GPC5: variants seen among roughly 807,000 people sequenced by gnomAD.
The protein encoded by GPC5 is glypican-5.
Under a neutral mutation model 53.9 loss-of-function variants are expected in GPC5, and 47 were observed. That is an observed-to-expected ratio of 0.87 (90% CI 0.69 to 1.11). The LOEUF (loss-of-function observed/expected upper bound fraction) is 1.11, where lower values mean the gene tolerates loss of function less well. Among genes scored for constraint, GPC5 ranks in the 50% most tolerant of loss-of-function variants. The probability of loss-of-function intolerance (pLI) is 0.00; values close to 1 mark genes in which losing one functional copy is unlikely to be tolerated. For synonymous variants in GPC5, 286 were observed against 263.3 expected (o/e 1.09, Z -0.84); for missense variants, 748 against 713.1 (o/e 1.05, Z -0.56).
intron 7 of GPC5, among the ~76,000 whole-genome samples, chr13:92,454,334 T>C (rs1878182400): frequency 6.6e-6 from 1 of 152,178 alleles, no homozygotes; most frequent in South Asian, 2.1e-4. Flanking sequence ...TGTTTATTTG[T>C]TTTAGTCAGA....
chr13:92,384,371 A>C (rs2043775129), intron 7 of GPC5, among the ~76,000 whole-genome samples: 1 of 152,072 alleles, frequency 6.6e-6, no homozygotes, highest in South Asian at 2.1e-4. Context: ...TGTTCTTATA[A>C]GTTTTTGTTT....
At chr13:91,531,288 T>C (rs1396898569) in intron 2 of GPC5, among the ~76,000 whole-genome samples, 1 of 152,242 alleles carries the variant, frequency 6.6e-6, no homozygotes, top group African/African-American at 2.4e-5. Context: ...GGGACCTTGA[T>C]ACTTACTGAA....
At chr13:91,501,277 G>A (rs1159162454) in intron 2 of GPC5, among the ~76,000 whole-genome samples, 3 of 147,572 alleles carry the variant, frequency 2.0e-5, no homozygotes, top group African/African-American at 7.6e-5. Context: ...TAAGTTTTAG[G>A]ATACATGTGC....
chr13:92,431,390 C>CTTT (rs3064652), intron 7 of GPC5, among the ~76,000 whole-genome samples: 7,851 of 137,278 alleles, frequency 0.057, 579 homozygotes, highest in African/African-American at 0.15. Flanking sequence ...AAAGACACAG[C>CTTT]TTTTTTTTTT....
At position 92,399,764 on chromosome 13, in the gene GPC5, G is replaced by A. The variant is rs189283828; in HGVS notation, c.1561+254775G>A. The stretch of plus-strand genomic sequence containing the variant: ...TCCTTAAGACTTATTCGTGTCTATC[G>A]TATATTTACCTAAGCATGTTTCCTC... On this transcript the variant is annotated intron_variant, in intron 7 of 7. Coordinates refer to ENST00000377067, the MANE Select transcript of GPC5 (RefSeq NM_004466.6). Among the ~76,000 whole-genome samples, 563 of 152,206 alleles carry A rather than the reference G, an allele frequency of 3.7e-3. 5 individuals are homozygous for A. The highest frequency in any genetic ancestry group is 0.013 in the African/African-American group (526 of 41,520).
intron 7 of GPC5, among the ~76,000 whole-genome samples, chr13:92,459,740 C>G (rs1357097490): frequency 6.6e-6 from 1 of 152,094 alleles, no homozygotes; most frequent in Non-Finnish European, 1.5e-5. Context: ...CATCTTATCT[C>G]ATTACTTTTG....
chr13:91,717,595 C>T (rs1002952017), intron 3 of GPC5, among the ~76,000 whole-genome samples: 1 of 151,818 alleles, frequency 6.6e-6, no homozygotes, highest in African/African-American at 2.4e-5. Context: ...TCACTCTTGT[C>T]ATCCAGGCTA....
At chr13:92,342,999 A>G (rs1386821626) in intron 7 of GPC5, among the ~76,000 whole-genome samples, 2 of 152,172 alleles carry the variant, frequency 1.3e-5, no homozygotes, top group Admixed American at 1.3e-4. Context: ...ACAACTTAAG[A>G]TATTTGTATA....
intron 7 of GPC5, among the ~76,000 whole-genome samples, chr13:92,326,446 A>T (rs1188817180): frequency 3.3e-5 from 5 of 152,214 alleles, no homozygotes; most frequent in African/African-American, 1.2e-4. Flanking sequence ...ATGTATATGT[A>T]TTTGTTTGCT....
At chr13:91,434,478 T>C (rs1430096623) in intron 1 of GPC5, among the ~76,000 whole-genome samples, 9 of 152,196 alleles carry the variant, frequency 5.9e-5, no homozygotes, top group African/African-American at 2.2e-4. Context: ...CCATTTCTTG[T>C]TTTTGTCAGG....
chr13:92,180,172 G>C (rs1384626416), intron 7 of GPC5, among the ~76,000 whole-genome samples: 1 of 152,174 alleles, frequency 6.6e-6, no homozygotes, highest in Admixed American at 6.5e-5. Flanking sequence ...AAAACTGCAG[G>C]TTTGGTTGAA....
At chr13:92,545,729 T>G (rs1447470476) in intron 7 of GPC5, among the ~76,000 whole-genome samples, 1 of 152,214 alleles carries the variant, frequency 6.6e-6, no homozygotes, top group Non-Finnish European at 1.5e-5. Flanking sequence ...TTTTGAGAAG[T>G]GTCTGTTCAT....
chr13:92,523,038 G>C (rs948007253), intron 7 of GPC5, among the ~76,000 whole-genome samples: 3 of 152,058 alleles, frequency 2.0e-5, no homozygotes, highest in Non-Finnish European at 4.4e-5. Context: ...AAATGATTAC[G>C]ACAATAATTT....
intron 7 of GPC5, among the ~76,000 whole-genome samples, chr13:92,480,639 G>A (rs781138525): frequency 6.6e-5 from 10 of 151,946 alleles, no homozygotes; most frequent in African/African-American, 2.4e-4. Flanking sequence ...CCCAGGCCTC[G>A]TGTTTACATT....
At chr13:91,571,943 A>ACACACATATTG (rs2031870828) in intron 2 of GPC5, among the ~76,000 whole-genome samples, 1 of 118,218 alleles carries the variant, frequency 8.5e-6, no homozygotes, top group African/African-American at 3.3e-5. Context: ...ACACATGTAT[A>ACACACATATTG]TACATATACA....
intron 7 of GPC5, among the ~76,000 whole-genome samples, chr13:92,577,976 G>A (rs1269745877): frequency 1.3e-5 from 2 of 152,320 alleles, no homozygotes; most frequent in African/African-American, 4.8e-5. Context: ...CATATGTGCA[G>A]TTGGGAGTCA....
intron 5 of GPC5, among the ~76,000 whole-genome samples, chr13:91,774,218 C>G (rs1044263003): frequency 1.3e-5 from 2 of 152,152 alleles, no homozygotes; most frequent in Non-Finnish European, 2.9e-5. Flanking sequence ...ATGTGAATAT[C>G]AAGACTCTGT....
intron 6 of GPC5, among the ~76,000 whole-genome samples, chr13:92,144,471 A>G (rs909913722): frequency 1.3e-5 from 2 of 152,184 alleles, no homozygotes; most frequent in Non-Finnish European, 2.9e-5. Flanking sequence ...CAGCCAATAT[A>G]CTACAGAGGG....
chr13:91,526,681 C>T lies in GPC5; in HGVS notation c.325+77759C>T, dbSNP rs374662037. Among the ~76,000 whole-genome samples, 9 of 152,236 alleles carry T rather than the reference C, an allele frequency of 5.9e-5. No homozygotes were observed. In the East Asian group the frequency reaches 1.7e-3, roughly 29 times the overall value. On this transcript the variant is annotated intron_variant, in intron 2 of 7. Coordinates refer to ENST00000377067, the MANE Select transcript of GPC5 (RefSeq NM_004466.6). ...TCATTTTCAGAGCTGTTTTTCTTTG[C>T]TTGACGCTTGTATTAGTCCATTCTC...
Sources: allele counts gnomAD v4.1 joint callset (sites outside exome capture counted in the v4.1 genomes callset), GRCh38; gene constraint gnomAD v4.1.1; transcripts MANE v1.5; gene names NCBI Gene and HGNC (gene_info 2026-07-23, HGNC 2026-07-21).